The following HDAC9 variants were observed in gnomAD, a reference collection of about 807,000 sequenced individuals.
HDAC9 encodes histone deacetylase 9, also known as MEF-2 interacting transcription repressor (MITR) protein.
A neutral mutation model predicts 139.4 loss-of-function variants in HDAC9; 41 were observed. The observed-to-expected ratio is 0.29, with a 90% CI of 0.23 to 0.38. The LOEUF (loss-of-function observed/expected upper bound fraction) is 0.38. Among genes scored for constraint, HDAC9 ranks in the 10% least tolerant of loss-of-function variants. HDAC9 has a pLI of 1.00. For missense variants in HDAC9, 1,147 were observed against 1,297.0 expected (o/e 0.88, Z 1.78); for synonymous variants, 517 against 476.2 (o/e 1.09, Z -1.12).
chr7:18,175,990 T>C (rs1419376044), intron 2 of HDAC9, among the ~76,000 whole-genome samples: 1 of 152,148 alleles, frequency 6.6e-6, no homozygotes, highest in Non-Finnish European at 1.5e-5. Flanking sequence ...GAATTTGCCC[T>C]AGTAATTCTG....
intron 14 of HDAC9, among the ~76,000 whole-genome samples, chr7:18,751,570 A>T (rs1459000249): frequency 6.6e-6 from 1 of 151,832 alleles, no homozygotes; most frequent in Non-Finnish European, 1.5e-5. Context: ...TATTTACTTT[A>T]TGAAATTATG....
chr7:18,176,735 T>G (rs1788937462), intron 2 of HDAC9, among the ~76,000 whole-genome samples: 1 of 152,236 alleles, frequency 6.6e-6, no homozygotes, highest in Non-Finnish European at 1.5e-5. Context: ...GGTGTACAGA[T>G]TATTTCATCA....
intron 12 of HDAC9, among the ~76,000 whole-genome samples, chr7:18,677,442 T>A (rs917810200): frequency 6.6e-6 from 1 of 151,934 alleles, no homozygotes; most frequent in Non-Finnish European, 1.5e-5. Flanking sequence ...GAAACTACCA[T>A]GAATATCTTA....
At position 18,365,544 on chromosome 7, in the gene HDAC9, A is replaced by G. The variant is rs1048077564; in HGVS notation, c.-42+75029A>G. 3.9e-5 allele frequency among the ~76,000 whole-genome samples: 6 copies of G among 152,122 alleles called. No individual in the cohort carries two copies. The South Asian group carries it at 1.2e-3, about 31-fold the overall frequency. On this transcript the variant is annotated intron_variant, in intron 1 of 3. Transcript: ENST00000413509. ...TGCAGTATTTTGTCTTCTTTCTCCA[A>G]TAATCCTTAGCCTAGGAATAGAAAA... is the stretch of plus-strand genomic sequence containing the variant.
intron 1 of HDAC9, among the ~76,000 whole-genome samples, chr7:18,114,730 T>TA (rs918957390): frequency 1.2e-4 from 19 of 152,254 alleles, no homozygotes; most frequent in Middle Eastern, 3.4e-3. Context: ...AAGGCTTCTG[T>TA]AAAAAAGATA....
At chr7:18,164,906 C>T (rs572098987) in intron 2 of HDAC9, among the ~76,000 whole-genome samples, 3 of 152,260 alleles carry the variant, frequency 2.0e-5, no homozygotes, top group Non-Finnish European at 4.4e-5. Flanking sequence ...GCTCTTCATT[C>T]AAAACTTATT....
At chr7:18,705,990 G>T (rs1303748758) in intron 12 of HDAC9, among the ~76,000 whole-genome samples, 1 of 151,584 alleles carries the variant, frequency 6.6e-6, no homozygotes, top group Admixed American at 6.6e-5. Context: ...CCCTTTCATT[G>T]ATGTCTGGGC....
rs142253298 is a variant in HDAC9, at chr7:18,880,177, G to A, written c.2803+5581G>A. Among the ~76,000 whole-genome samples the A allele has an allele frequency of 7.9e-5, 12 of 152,194 alleles. No homozygotes were observed. In the East Asian group the frequency reaches 9.6e-4, roughly 12 times the overall value. ...AAATAACAGGTGCTGGCAAGGTTGC[G>A]GAGAAAAAGGAACACTTAGACACTG... On this transcript the variant is annotated intron_variant, in intron 22 of 25. Coordinates refer to ENST00000686413, the MANE Select transcript of HDAC9 (RefSeq NM_178425.4).
At chr7:18,746,050 T>C (rs982122216) in intron 13 of HDAC9, among the ~76,000 whole-genome samples, 1 of 151,532 alleles carries the variant, frequency 6.6e-6, no homozygotes. Flanking sequence ...TTAAAAATTT[T>C]TGTGGAGACA....
At chr7:18,956,034 G>A (rs1310472773) in intron 24 of HDAC9, among the ~76,000 whole-genome samples, 4 of 152,160 alleles carry the variant, frequency 2.6e-5, no homozygotes, top group Admixed American at 2.0e-4. Flanking sequence ...CACTACTGAT[G>A]TTTTCAAGTG....
chr7:18,702,097 CAGGCTGGG>C (rs1328133768), intron 12 of HDAC9, among the ~76,000 whole-genome samples: 6 of 149,212 alleles, frequency 4.0e-5, no homozygotes, highest in Non-Finnish European at 7.4e-5. Flanking sequence ...AGCAAAGAAG[CAGGCTGGG>C]AGCGTGGCTG....
chr7:18,897,787 A>C (rs1801343363), intron 22 of HDAC9, among the ~76,000 whole-genome samples: 1 of 150,980 alleles, frequency 6.6e-6, no homozygotes, highest in South Asian at 2.1e-4. Flanking sequence ...TGTTTTCTCT[A>C]TCTAATTGCT....
chr7:18,688,745 C>CT (rs1223307358), intron 12 of HDAC9, among the ~76,000 whole-genome samples: 1 of 151,784 alleles, frequency 6.6e-6, no homozygotes, highest in African/African-American at 2.4e-5. Context: ...CGGGAAATGT[C>CT]TTTAAGTTTA....
At chr7:18,595,403 G>A (rs937490533) in intron 6 of HDAC9, among the ~76,000 whole-genome samples, 6 of 152,016 alleles carry the variant, frequency 3.9e-5, no homozygotes, top group African/African-American at 1.4e-4. Context: ...GAGCCTCTAT[G>A]TTATTTCTAA....
At chr7:18,143,643 A>G (rs1562669584) in intron 1 of HDAC9, among the ~76,000 whole-genome samples, 1 of 151,948 alleles carries the variant, frequency 6.6e-6, no homozygotes. Flanking sequence ...AAAATTAGCT[A>G]GGCGTGGTGG....
chr7:18,137,750 A>G (rs1239722413), intron 1 of HDAC9, among the ~76,000 whole-genome samples: 1 of 152,076 alleles, frequency 6.6e-6, no homozygotes, highest in African/African-American at 2.4e-5. Context: ...CATCAAGGAT[A>G]TTGGTCTAAA....
chr7:18,360,047 C>T (rs142820372), intron 1 of HDAC9, among the ~76,000 whole-genome samples: 12 of 152,288 alleles, frequency 7.9e-5, no homozygotes, highest in Admixed American at 2.6e-4. Context: ...TTCCACCCTC[C>T]GATTCTCCTC....
At chr7:18,933,090 C>G (rs1239633345) in intron 22 of HDAC9, among the ~76,000 whole-genome samples, 1 of 152,134 alleles carries the variant, frequency 6.6e-6, no homozygotes, top group Non-Finnish European at 1.5e-5. Context: ...ATACCATATT[C>G]AACCCCAGTG....
chr7:18,865,079 G>T (rs1305077251), intron 21 of HDAC9, among the ~76,000 whole-genome samples: 7 of 152,092 alleles, frequency 4.6e-5, no homozygotes, highest in Non-Finnish European at 1.0e-4. Context: ...AACAAAATTT[G>T]CTTCCACCAG....
Sources: allele counts gnomAD v4.1 joint callset (sites outside exome capture counted in the v4.1 genomes callset), GRCh38; gene constraint gnomAD v4.1.1; transcripts MANE v1.5; gene names NCBI Gene and HGNC (gene_info 2026-07-23, HGNC 2026-07-21).